SV2C: variants seen among roughly 807,000 people sequenced by gnomAD.
The protein encoded by SV2C is synaptic vesicle glycoprotein 2C, also known as solute carrier family 22 member B3.
Under a neutral mutation model 79.7 loss-of-function variants are expected in SV2C, and 49 were observed. The ratio of observed to expected loss-of-function variants is 0.61; its 90% CI spans 0.49 to 0.78. SV2C has a LOEUF of 0.78. Ranked by LOEUF, SV2C falls within the 30% of genes least tolerant of loss-of-function variation. SV2C has a pLI of 0.00. For synonymous variants in SV2C, 334 were observed against 333.2 expected (o/e 1.00, Z -0.03); for missense variants, 833 against 912.9 (o/e 0.91, Z 1.13).
At chr5:75,996,414 G>A in the SV2C span, among the ~76,000 whole-genome samples, 5 of 152,300 alleles carry the variant, frequency 3.3e-5, no homozygotes, top group East Asian at 5.8e-4. Flanking sequence ...AAGTCAGGTA[G>A]CATGATGCCT....
intron 2 of SV2C, among the ~76,000 whole-genome samples, chr5:76,157,558 A>G (rs1193529334): frequency 2.0e-5 from 3 of 151,960 alleles, no homozygotes; most frequent in African/African-American, 4.8e-5. Flanking sequence ...ATTGCATTAA[A>G]CTATACACAT....
chr5:76,046,071 A>G, the SV2C span, among the ~76,000 whole-genome samples: 1 of 152,182 alleles, frequency 6.6e-6, no homozygotes, highest in African/African-American at 2.4e-5. Flanking sequence ...TCACAAGCTT[A>G]ATGTATGAGA....
intron 4 of SV2C, among the ~76,000 whole-genome samples, chr5:76,243,909 C>G (rs1377409417): frequency 6.6e-6 from 1 of 152,188 alleles, no homozygotes; most frequent in East Asian, 1.9e-4. Flanking sequence ...AAAACATTTC[C>G]CTCTCAGGGC....
the SV2C span, among the ~76,000 whole-genome samples, chr5:75,978,622 A>G: frequency 1.3e-5 from 2 of 152,186 alleles, no homozygotes; most frequent in African/African-American, 4.8e-5. Flanking sequence ...AAATTTAAAT[A>G]TATTATTGTT....
chr5:76,065,658 AATTTTTACAC>A, the SV2C span, among the ~76,000 whole-genome samples: 5 of 152,156 alleles, frequency 3.3e-5, no homozygotes, highest in African/African-American at 1.2e-4. Flanking sequence ...ACTACACATC[AATTTTTACAC>A]TCTAGGTTTT....
chr5:75,884,286 T>C, the SV2C span, among the ~76,000 whole-genome samples: 1 of 152,280 alleles, frequency 6.6e-6, no homozygotes, highest in East Asian at 1.9e-4. Context: ...TTAGGAATAT[T>C]AAGTGGAACC....
chr5:75,895,765 G>C, the SV2C span, among the ~76,000 whole-genome samples: 2 of 152,058 alleles, frequency 1.3e-5, no homozygotes, highest in Non-Finnish European at 2.9e-5. Flanking sequence ...AGTAGAGAAG[G>C]TGACCTTTTC....
At chr5:76,033,905 G>C in the SV2C span, among the ~76,000 whole-genome samples, 1 of 151,728 alleles carries the variant, frequency 6.6e-6, no homozygotes. Flanking sequence ...CCATTTGTTT[G>C]TATCCTCTTT....
the SV2C span, among the ~76,000 whole-genome samples, chr5:75,976,070 C>A: frequency 8.6e-5 from 13 of 151,974 alleles, no homozygotes; most frequent in Non-Finnish European, 1.6e-4. Flanking sequence ...TTTGAATGGC[C>A]GGTATAGTTA....
chr5:75,959,131 A>C, the SV2C span, among the ~76,000 whole-genome samples: 4 of 151,904 alleles, frequency 2.6e-5, no homozygotes, highest in Non-Finnish European at 5.9e-5. Context: ...GTAGCTGCTG[A>C]TGATGCAAGG....
At chr5:76,003,155 G>A in the SV2C span, among the ~76,000 whole-genome samples, 1 of 152,026 alleles carries the variant, frequency 6.6e-6, no homozygotes, top group African/African-American at 2.4e-5. Context: ...TTCCCCTTCT[G>A]CCATTATTGT....
At chr5:75,891,476 G>A in the SV2C span, among the ~76,000 whole-genome samples, 1 of 152,094 alleles carries the variant, frequency 6.6e-6, no homozygotes, top group South Asian at 2.1e-4. Flanking sequence ...CAAGTACACT[G>A]ATGCATAATC....
At chr5:75,885,625 C>T in the SV2C span, among the ~76,000 whole-genome samples, 2 of 152,114 alleles carry the variant, frequency 1.3e-5, no homozygotes, top group Non-Finnish European at 2.9e-5. Flanking sequence ...TTGTAGTGCA[C>T]TACAGCCTGG....
chr5:75,911,170 G>A, the SV2C span: 1 of 1,592,888 alleles, frequency 6.3e-7, no homozygotes, highest in Admixed American at 1.7e-5. Context: ...CTCCTCTGAG[G>A]AAGAAGAGCC....
rs768398181 is a variant in SV2C at position 76,131,958 on chromosome 5, A to C, written c.208A>C (p.Asn70His). ...PAGETYNGEANDDEGSSEATE... is the reference protein window; with the variant it reads ...PAGETYNGEAHDDEGSSEATE... ...TGGAGAAACCTATAATGGTGAGGCC[A>C]ACGATGACGAAGGCTCAAGTGAAGC... Residue 70 changes from asparagine (N) to histidine (H), a missense_variant, in exon 2 of 13, where the codon AAC becomes CAC. Asn to His is a moderately conservative substitution (Grantham distance 68, BLOSUM62 1). Transcript: ENST00000502798. 6.2e-6 allele frequency: 10 copies of C among 1,614,058 alleles called. No homozygotes were observed. The highest frequency in any genetic ancestry group is 8.5e-6 in the Non-Finnish European group (10 of 1,179,970).
chr5:75,877,239 A>C, the SV2C span, among the ~76,000 whole-genome samples: 2 of 152,144 alleles, frequency 1.3e-5, no homozygotes, highest in Admixed American at 1.3e-4. Context: ...CATCAGCAAT[A>C]TATGATAATT....
chr5:76,170,789 C>T lies in SV2C; in HGVS notation c.581-24130C>T, dbSNP rs1184515524. The T allele has an allele frequency of 4.3e-5, 10 of 229,980 alleles. 1 individual carries two copies. The East Asian group carries it at 5.2e-4, about 12-fold the overall frequency. The allele number at this position is 229,980 out of a possible 1,614,324, so 14.2% of individuals were successfully genotyped here. On this transcript the variant is annotated intron_variant, in intron 2 of 12. Transcript: ENST00000502798. ...AAAAACTGAGAAGGCTCGAAGGCGC[C>T]GCGGGCTGGGGTCGGTGGCTTAGGG...
the SV2C span, among the ~76,000 whole-genome samples, chr5:76,043,581 C>T: frequency 1.3e-5 from 2 of 152,314 alleles, no homozygotes; most frequent in East Asian, 3.9e-4. Context: ...AATCTCCCAA[C>T]CCCATTCCAC....
chr5:75,856,895 C>T, the SV2C span, among the ~76,000 whole-genome samples: 1 of 151,630 alleles, frequency 6.6e-6, no homozygotes, highest in African/African-American at 2.4e-5. Flanking sequence ...GAGAGGTTTT[C>T]CCAATGTTTT....
Sources: allele counts gnomAD v4.1 joint callset (sites outside exome capture counted in the v4.1 genomes callset), GRCh38; gene constraint gnomAD v4.1.1; transcripts MANE v1.5; gene names NCBI Gene and HGNC (gene_info 2026-07-23, HGNC 2026-07-21).